Variants in ZFAND3 observed in about 807,000 individuals in gnomAD.
ZFAND3 encodes AN1-type zinc finger protein 3.
Under a neutral mutation model 29.6 loss-of-function variants are expected in ZFAND3, and 10 were observed. That is an observed-to-expected ratio of 0.34 (90% CI 0.21 to 0.57). ZFAND3 has a LOEUF of 0.57. Among genes scored for constraint, ZFAND3 ranks in the 20% least tolerant of loss-of-function variants. ZFAND3 has a pLI of 0.86. For missense variants in ZFAND3, 230 were observed against 304.5 expected, an observed-to-expected ratio of 0.76 and a Z score of 1.82; for synonymous variants, 128 against 112.6, an observed-to-expected ratio of 1.14 and a Z score of -0.87.
At chr6:37,941,280 A>T (rs1761805533) in intron 2 of ZFAND3, among the ~76,000 whole-genome samples, 1 of 152,232 alleles carries the variant, frequency 6.6e-6, no homozygotes, top group Admixed American at 6.5e-5. Flanking sequence ...ACCAAAGCTA[A>T]ATAGATTAGT....
intron 5 of ZFAND3, among the ~76,000 whole-genome samples, chr6:38,150,200 C>G (rs1018493368): frequency 6.6e-6 from 1 of 152,214 alleles, no homozygotes; most frequent in African/African-American, 2.4e-5. Flanking sequence ...AAATGTAACA[C>G]ATGAGCTCAT....
At chr6:38,133,200 A>G (rs913641158) in intron 5 of ZFAND3, among the ~76,000 whole-genome samples, 2 of 152,336 alleles carry the variant, frequency 1.3e-5, no homozygotes, top group South Asian at 4.1e-4. Context: ...GTCTCAGAGC[A>G]TATTGAAATT....
intron 2 of ZFAND3, among the ~76,000 whole-genome samples, chr6:37,987,623 G>A (rs1762692511): frequency 6.6e-6 from 1 of 152,216 alleles, no homozygotes; most frequent in African/African-American, 2.4e-5. Flanking sequence ...CCCTGGCCCT[G>A]CCCCAGACTT....
At chr6:37,947,171 TA>T (rs1761918467) in intron 2 of ZFAND3, among the ~76,000 whole-genome samples, 1 of 152,228 alleles carries the variant, frequency 6.6e-6, no homozygotes, top group Non-Finnish European at 1.5e-5. Flanking sequence ...AAATTTCTTT[TA>T]AAAATCTGTT....
intron 5 of ZFAND3, among the ~76,000 whole-genome samples, chr6:38,122,761 A>G (rs1765559675): frequency 6.6e-6 from 1 of 152,250 alleles, no homozygotes. Flanking sequence ...ATAAGCATTT[A>G]TCAAGGTATA....
At chr6:38,098,882 T>C (rs994196096) in intron 4 of ZFAND3, among the ~76,000 whole-genome samples, 3 of 152,164 alleles carry the variant, frequency 2.0e-5, no homozygotes, top group Non-Finnish European at 4.4e-5. Flanking sequence ...TACATATATA[T>C]ATGTGGTTTT....
intron 2 of ZFAND3, among the ~76,000 whole-genome samples, chr6:38,020,660 T>G (rs555804181): frequency 1.3e-5 from 2 of 152,320 alleles, no homozygotes; most frequent in South Asian, 2.1e-4. Flanking sequence ...TTTGCCTCTC[T>G]CCCCATTACA....
rs1354708877 is a variant in ZFAND3, at chr6:38,144,196, T to TA, written c.530-8038dup. ...GATATATATATATAATATATATATA[T>TA]ATATATATATATATAATATATAATA... On this transcript the variant is annotated intron_variant, in intron 5 of 5. Transcript: ENST00000287218. Among the ~76,000 whole-genome samples the TA allele has an allele frequency of 3.1e-3, 129 of 41,026 alleles. 3 individuals are homozygous for TA. Among genetic ancestry groups the TA allele is most frequent in the African/African-American group, 0.011 (101 of 9,262 alleles). 26.9% of individuals were successfully genotyped at this position (41,026 alleles called of 152,430 possible).
intron 2 of ZFAND3, among the ~76,000 whole-genome samples, chr6:37,977,449 C>T (rs1581807093): frequency 6.6e-6 from 1 of 152,186 alleles, no homozygotes; most frequent in Non-Finnish European, 1.5e-5. Context: ...TTACAGGTGC[C>T]CACCACTACG....
rs143637106 is a variant in ZFAND3 at position 38,138,584 on chromosome 6, G to A, written c.530-13651G>A. ...GGCTGCCTTTCTCTTCCATCAGTATGCTGAGCTTATTCCTGCCACAGGACA... is the reference window on the plus strand; with the variant it reads ...GGCTGCCTTTCTCTTCCATCAGTATACTGAGCTTATTCCTGCCACAGGACA... On this transcript the variant is annotated intron_variant, in intron 5 of 5. Transcript: ENST00000287218. 4.5e-3 allele frequency among the ~76,000 whole-genome samples: 684 copies of A among 152,300 alleles called. 1 individual carries two copies. The highest frequency in any genetic ancestry group is 0.015 in the African/African-American group (622 of 41,554).
At position 37,929,184 on chromosome 6, in the gene ZFAND3, G is replaced by C. The variant is rs73730829; in HGVS notation, c.72-775G>C. Among the ~76,000 whole-genome samples the C allele has an allele frequency of 5.1e-3, 782 of 152,230 alleles. 9 individuals carry two copies. Among genetic ancestry groups the C allele is most frequent in the African/African-American group, 0.017 (726 of 41,520 alleles). ...AAAATTCCAACCTCTGGCATAAACG[G>C]GTTAAATTATTCATCGCTTGTAACC... On this transcript the variant is annotated intron_variant, in intron 1 of 5. Transcript: ENST00000287218.
intron 2 of ZFAND3, among the ~76,000 whole-genome samples, chr6:37,949,730 G>A (rs1207466369): frequency 6.6e-6 from 1 of 152,186 alleles, no homozygotes; most frequent in Non-Finnish European, 1.5e-5. Context: ...AGATAAAGAG[G>A]TACATAGGGT....
At chr6:38,084,180 A>T (rs1764716015) in intron 4 of ZFAND3, among the ~76,000 whole-genome samples, 1 of 152,158 alleles carries the variant, frequency 6.6e-6, no homozygotes, top group African/African-American at 2.4e-5. Flanking sequence ...TCTTCTCCTA[A>T]CCAGACTGTG....
At chr6:38,148,017 C>T (rs1245835676) in intron 5 of ZFAND3, among the ~76,000 whole-genome samples, 1 of 152,110 alleles carries the variant, frequency 6.6e-6, no homozygotes, top group Non-Finnish European at 1.5e-5. Flanking sequence ...AGGTCTTAGT[C>T]ATAAATTCTT....
chr6:38,115,706 C>T (rs1765403723), intron 4 of ZFAND3, among the ~76,000 whole-genome samples: 1 of 152,176 alleles, frequency 6.6e-6, no homozygotes, highest in Admixed American at 6.5e-5. Flanking sequence ...GGTATGCAAG[C>T]AGCTGTTTCA....
At chr6:38,132,339 C>T (rs760458485) in intron 5 of ZFAND3, among the ~76,000 whole-genome samples, 4 of 152,034 alleles carry the variant, frequency 2.6e-5, no homozygotes, top group Non-Finnish European at 4.4e-5. Context: ...AGCAAAAACC[C>T]GTCTCTACAA....
chr6:37,870,258 G>T (rs1764667188), intron 1 of ZFAND3, among the ~76,000 whole-genome samples: 1 of 119,182 alleles, frequency 8.4e-6, no homozygotes, highest in Non-Finnish European at 1.6e-5. Flanking sequence ...TTGTGCCATT[G>T]TACCCCAGCC....
Position 38,061,638 on chromosome 6 carries a change from G to A in ZFAND3, c.158G>A (p.Ser53Asn), listed in dbSNP as rs866835707. 13 of 1,614,184 alleles carry A rather than the reference G, an allele frequency of 8.1e-6. No individual in the cohort carries two copies. In the Middle Eastern group the frequency reaches 1.2e-3, roughly 143 times the overall value. Residue 53 changes from serine (S) to asparagine (N), a missense_variant, in exon 3 of 6, where the codon AGT becomes AAT. Physicochemically the swap from Ser to Asn is conservative, Grantham distance 46 (BLOSUM62 1). Transcript: ENST00000287218. ...GACGATGATTCCGCTCCAAGTACAA[G>A]TAACAGCCAATCAGATTTGTTTTCC... ...QPDDDSAPST[S>N]NSQSDLFSEE...
At chr6:38,029,365 G>A (rs1469775123) in intron 2 of ZFAND3, among the ~76,000 whole-genome samples, 5 of 152,120 alleles carry the variant, frequency 3.3e-5, no homozygotes, top group Admixed American at 2.6e-4. Flanking sequence ...TTCGTTTTAT[G>A]TTTTGACTTT....
Sources: gnomAD v4.1 joint callset for allele counts (sites outside exome capture counted in the v4.1 genomes callset) on GRCh38, gnomAD v4.1.1 for gene constraint, MANE v1.5 for transcripts, NCBI Gene and HGNC (gene_info 2026-07-23, HGNC 2026-07-21) for gene names.